Variants in SAP30BP observed in about 807,000 individuals in gnomAD.
SAP30BP encodes SAP30 binding protein.
Under a neutral mutation model 46.3 loss-of-function variants are expected in SAP30BP, and 31 were observed. The ratio of observed to expected loss-of-function variants is 0.67; its 90% confidence interval spans 0.50 to 0.90. SAP30BP has a LOEUF of 0.90. SAP30BP is among the 40% of genes least tolerant of loss of function. The pLI, the probability that SAP30BP is intolerant of heterozygous loss-of-function variation, is 0.00. For synonymous variants in SAP30BP, 169 were observed against 144.2 expected (o/e 1.17, Z -1.23); for missense variants, 312 against 391.0 (o/e 0.80, Z 1.70).
At chr17:75,693,081 C>G (rs1311588600) in intron 3 of SAP30BP, 2 of 201,920 alleles carry the variant, frequency 9.9e-6, no homozygotes, top group East Asian at 2.6e-4. Context: ...GCTCTGCACT[C>G]CATTCAGGCA....
In SAP30BP at chr17:75,706,746, G is replaced by C; in HGVS notation, c.*225G>C. On this transcript the variant is annotated 3_prime_UTR_variant, in exon 11 of 11. Coordinates refer to ENST00000584667, the MANE Select transcript of SAP30BP (RefSeq NM_013260.8). The surrounding 1 kb of genome is among the most constrained non-coding windows in gnomAD (Gnocchi z 4.6). Reference sequence around the variant, plus strand: ...CTGGGGTCTGCCGCCTATTAAAAGTGCCGTATTCTTACCTCTTGGCATCTC... The same window carrying C: ...CTGGGGTCTGCCGCCTATTAAAAGTCCCGTATTCTTACCTCTTGGCATCTC... The C allele has an allele frequency of 1.8e-6, 1 of 567,972 alleles. No individual in the cohort carries two copies. The highest frequency in any genetic ancestry group is 2.9e-5 in the East Asian group (1 of 34,644). The allele number at this position is 567,972 out of a possible 1,614,324, so 35.2% of individuals were successfully genotyped here. A position where few individuals can be genotyped will look rare whatever the true frequency, so the allele number is the denominator to read the frequency against.
chr17:75,667,633 C>T (rs1267115144), intron 1 of SAP30BP, among the ~76,000 whole-genome samples, 155 bp downstream of exon 1: 1 of 152,214 alleles, frequency 6.6e-6, no homozygotes, highest in African/African-American at 2.4e-5. Flanking sequence ...GCATTAGAGA[C>T]TGTGGACTAA....
At chr17:75,692,136 G>A (rs2060251085) in intron 3 of SAP30BP, 4 of 769,698 alleles carry the variant, frequency 5.2e-6, no homozygotes, top group Non-Finnish European at 6.3e-6. Context: ...CAGGTTGAAT[G>A]AATAGCTGCA....
chr17:75,676,274 C>G (rs2059989061), intron 3 of SAP30BP, among the ~76,000 whole-genome samples: 1 of 152,150 alleles, frequency 6.6e-6, no homozygotes. Context: ...TATCGTCAGG[C>G]TCTGGTGATT....
chr17:75,679,024 C>T (rs1193710012), intron 3 of SAP30BP, among the ~76,000 whole-genome samples: 1 of 140,326 alleles, frequency 7.1e-6, no homozygotes, highest in East Asian at 2.1e-4. Context: ...GACGGAGTCT[C>T]GTTCTGTCGC....
At chr17:75,672,226 T>G in intron 3 of SAP30BP, 1 of 241,098 alleles carries the variant, frequency 4.1e-6, no homozygotes, top group Admixed American at 4.7e-5. Context: ...AAGGGCCGCC[T>G]CGCGTGCTTT....
intron 3 of SAP30BP, among the ~76,000 whole-genome samples, chr17:75,678,583 C>T (rs995534108): frequency 2.0e-5 from 3 of 152,020 alleles, no homozygotes; most frequent in African/African-American, 7.2e-5. Flanking sequence ...TGTGTTTGTT[C>T]AGTAGCATTG....
At chr17:75,688,747 C>T (rs1469952976) in intron 3 of SAP30BP, among the ~76,000 whole-genome samples, 1 of 152,164 alleles carries the variant, frequency 6.6e-6, no homozygotes, top group Non-Finnish European at 1.5e-5. Flanking sequence ...ATTGTTGTTA[C>T]TTCCTTCCTG....
chr17:75,703,876 C>A lies in SAP30BP; in HGVS notation c.601+17C>A, dbSNP rs778987781. 2.5e-6 allele frequency: 4 copies of A among 1,590,858 alleles called. No individual in the cohort carries two copies. Among genetic ancestry groups the A allele is most frequent in the African/African-American group, 1.3e-5 (1 of 74,430 alleles). On this transcript the variant is annotated intron_variant, in intron 8 of 10. Coordinates refer to ENST00000584667, the MANE Select transcript of SAP30BP (RefSeq NM_013260.8). ...AGGCATTAGGTAGCCTTTCGTCCCT[C>A]CTCCCATATACCTTGTCCGCCCACC...
chr17:75,670,199 G>A (rs997665662), intron 2 of SAP30BP, among the ~76,000 whole-genome samples: 1 of 152,034 alleles, frequency 6.6e-6, no homozygotes, highest in African/African-American at 2.4e-5. Flanking sequence ...GTACGCACCT[G>A]TAGTCCCACC....
chr17:75,682,961 C>CAA (rs770262344), intron 3 of SAP30BP, among the ~76,000 whole-genome samples: 4 of 64,110 alleles, frequency 6.2e-5, no homozygotes, highest in Admixed American at 3.4e-4. Flanking sequence ...GACTTCGTCT[C>CAA]AAAAAAAAAA....
chr17:75,688,657 T>G (rs933629776), intron 3 of SAP30BP, among the ~76,000 whole-genome samples: 1 of 152,182 alleles, frequency 6.6e-6, no homozygotes. Flanking sequence ...ACCTCCATTC[T>G]CTTACTCAGG....
At chr17:75,705,975 C>T (rs1163445996) in intron 9 of SAP30BP, 33 bp from the exon 10 acceptor site, 4 of 1,609,812 alleles carry the variant, frequency 2.5e-6, no homozygotes, top group African/African-American at 1.3e-5. Context: ...CCCAGCTTTG[C>T]CTGGTCTTAT....
intron 3 of SAP30BP, chr17:75,692,220 G>A: frequency 1.0e-6 from 1 of 985,710 alleles, no homozygotes. Context: ...CTAAGACTGA[G>A]TCTAGGTTCA....
rs988646244 is a variant in SAP30BP, at chr17:75,677,028, G to T, written c.264+5165G>T. 7.3e-5 allele frequency among the ~76,000 whole-genome samples: 11 copies of T among 151,294 alleles called. No homozygotes were observed. In the East Asian group the frequency reaches 1.4e-3, roughly 19 times the overall value. On this transcript the variant is annotated intron_variant, in intron 3 of 10. Coordinates refer to ENST00000584667, the MANE Select transcript of SAP30BP (RefSeq NM_013260.8). ...ATTTATGCATGCCTCTCATGTCATT[G>T]CCCAAAATATTAAAGAGATGTATAT...
chr17:75,674,682 T>G (rs1373291587), intron 3 of SAP30BP, among the ~76,000 whole-genome samples: 2 of 142,722 alleles, frequency 1.4e-5, no homozygotes, highest in African/African-American at 5.2e-5. Context: ...TATGAAGTTT[T>G]TTTGTTTGTT....
chr17:75,682,030 T>C (rs2060083567), intron 3 of SAP30BP, among the ~76,000 whole-genome samples: 1 of 152,100 alleles, frequency 6.6e-6, no homozygotes, highest in Non-Finnish European at 1.5e-5. Flanking sequence ...AGCTTAAGCT[T>C]GGACTTTTTT....
At chr17:75,696,987 C>G (rs1314938534) in intron 4 of SAP30BP, among the ~76,000 whole-genome samples, 2 of 151,980 alleles carry the variant, frequency 1.3e-5, no homozygotes, top group Non-Finnish European at 2.9e-5. Flanking sequence ...CTGTTTTAGC[C>G]AGGATGATCT....
At chr17:75,699,941 T>A in intron 5 of SAP30BP, 70 bp downstream of exon 5, 1 of 1,148,118 alleles carries the variant, frequency 8.7e-7, no homozygotes, top group Non-Finnish European at 1.3e-6. Context: ...GGTTTGGTCT[T>A]AATCTTAAGA....
Sources: allele counts gnomAD v4.1 joint callset (sites outside exome capture counted in the v4.1 genomes callset), GRCh38; gene constraint gnomAD v4.1.1; non-coding constraint Gnocchi (gnomAD v3.1); transcripts MANE v1.5; gene names NCBI Gene and HGNC (gene_info 2026-07-23, HGNC 2026-07-21).